The following FCGR2A variants were observed in gnomAD, a reference collection of about 807,000 sequenced individuals.
FCGR2A encodes Fc gamma receptor IIa.
FCGR2A carries 18 observed loss-of-function variants against 29.3 expected under a neutral mutation model. The ratio of observed to expected loss-of-function variants is 0.62; its 90% confidence interval spans 0.43 to 0.91. The LOEUF (loss-of-function observed/expected upper bound fraction) is 0.91, where lower values mean the gene tolerates loss of function less well. Ranked by LOEUF, FCGR2A falls within the 40% of genes least tolerant of loss-of-function variation. FCGR2A has a pLI of 0.00. For synonymous variants in FCGR2A, 126 were observed against 144.8 expected (o/e 0.87, Z 0.93); for missense variants, 287 against 393.0 (o/e 0.73, Z 2.28).
At position 161,506,013 on chromosome 1, in the gene FCGR2A, T is replaced by A. The variant is rs749811754; in HGVS notation, c.106+6T>A. The A allele has an allele frequency of 1.9e-6, 3 of 1,613,756 alleles. No homozygotes were observed. The highest frequency in any genetic ancestry group is 1.7e-6 in the Non-Finnish European group (2 of 1,179,634). The stretch of plus-strand genomic sequence containing the variant: ...TTCTGCAGACAGTCAAGCTGGTGAG[T>A]ATGCCCTTTGCTTCCTTGTATTGAC... On this transcript the variant is annotated splice_donor_region_variant and intron_variant, in intron 2 of 6. Transcript: ENST00000271450.
At chr1:161,505,933 A>G in intron 1 of FCGR2A, 54 bp from the exon 2 acceptor site, 1 of 1,602,284 alleles carries the variant, frequency 6.2e-7, no homozygotes, top group Non-Finnish European at 8.6e-7. Flanking sequence ...ACGCAGCTAA[A>G]TTTGAAGCCG....
intron 1 of FCGR2A, 101 bp from the exon 2 acceptor site, chr1:161,505,886 A>C: frequency 8.8e-7 from 1 of 1,137,464 alleles, no homozygotes; most frequent in Non-Finnish European, 1.3e-6. Context: ...GTCCTGGAGA[A>C]GGAAGAGCCC....
At chr1:161,520,493 A>T (rs186139905), downstream of FCGR2A, among the ~76,000 whole-genome samples, 3 of 152,032 alleles carry the variant, frequency 2.0e-5, no homozygotes, top group African/African-American at 4.8e-5. Flanking sequence ...GAGGATGACA[A>T]CTCAAGACGA....
chr1:161,511,954 G>A (rs1484583528), intron 5 of FCGR2A, among the ~76,000 whole-genome samples: 3 of 152,200 alleles, frequency 2.0e-5, no homozygotes, highest in African/African-American at 7.2e-5. Flanking sequence ...GGGATGGCCA[G>A]GGCTCAAATC....
At chr1:161,506,640 G>T in intron 3 of FCGR2A, 49 bp downstream of exon 3, 1 of 1,610,360 alleles carries the variant, frequency 6.2e-7, no homozygotes, top group Non-Finnish European at 8.5e-7. Flanking sequence ...CAGGACGGAT[G>T]AAATCTGTTT....
downstream of FCGR2A, among the ~76,000 whole-genome samples, chr1:161,522,478 G>C (rs12121318): frequency 6.6e-6 from 1 of 152,008 alleles, no homozygotes; most frequent in Non-Finnish European, 1.5e-5. Context: ...GGGGCTGGAA[G>C]AGAAGGTTGG....
At chr1:161,506,300 T>C in intron 2 of FCGR2A, 34 bp from the exon 3 acceptor site, 1 of 1,612,700 alleles carries the variant, frequency 6.2e-7, no homozygotes, top group South Asian at 1.1e-5. Flanking sequence ...TTCAGGGTTA[T>C]TTATTCCACA....
At chr1:161,510,177 A>G in intron 4 of FCGR2A, 103 bp downstream of exon 4, 1 of 1,554,848 alleles carries the variant, frequency 6.4e-7, no homozygotes, top group Non-Finnish European at 8.7e-7. Flanking sequence ...CATAGCAGCA[A>G]AATTGGGCAC....
intron 4 of FCGR2A, 179 bp downstream of exon 4, chr1:161,510,253 G>C: frequency 8.7e-7 from 1 of 1,148,966 alleles, no homozygotes; most frequent in South Asian, 1.6e-5. Context: ...GCCAGAGCTT[G>C]GAGCCCTCAC....
At chr1:161,523,484 G>A (rs1275581031), downstream of FCGR2A, 1 of 152,044 alleles carries the variant, frequency 6.6e-6, no homozygotes, top group Non-Finnish European at 1.5e-5. Context: ...CCTGAGTCCT[G>A]GTCTCCAGCT....
At position 161,518,305 on chromosome 1, in the gene FCGR2A, C is replaced by T; in HGVS notation, c.*157C>T. ...AATAGCTTTAACTTTGCTTAAACTA[C>T]AAACACAAGCAAAACTTCACGGGGT... is the stretch of plus-strand genomic sequence containing the variant. On this transcript the variant is annotated 3_prime_UTR_variant, in exon 7 of 7. Transcript: ENST00000271450. 9.6e-7 allele frequency: 1 copy of T among 1,047,016 alleles called. No individual in the cohort carries two copies. Among genetic ancestry groups the T allele is most frequent in the Non-Finnish European group, 1.4e-6 (1 of 733,096 alleles). The allele number at this position is 1,047,016 out of a possible 1,614,324, so 64.9% of individuals were successfully genotyped here. A position where few individuals can be genotyped will look rare whatever the true frequency, so the allele number is the denominator to read the frequency against.
intron 1 of FCGR2A, 36 bp downstream of exon 1, chr1:161,505,588 G>A (rs770182244): frequency 5.2e-6 from 8 of 1,527,770 alleles, no homozygotes; most frequent in Non-Finnish European, 7.3e-6. Flanking sequence ...GGCAATTTCA[G>A]ACACTCCTAC....
Position 161,505,545 on chromosome 1 carries a change from G to T in FCGR2A, c.78G>T (p.Leu26=), listed in dbSNP as rs755997670. The change falls in exon 1 of 7, where the codon CTG becomes CTT. Residue 26 remains leucine (L), a synonymous_variant. Transcript: ENST00000271450. The part of the protein sequence containing the change: ...LWLLQPLTVL[L]LLASADSQAA... ...TGCTTCAACCATTGACAGTTTTGCT[G>T]CTGCTGGGTGAGTGAGGGTCATTCT... 2.1e-5 allele frequency: 34 copies of T among 1,613,696 alleles called. No individual in the cohort carries two copies. Among genetic ancestry groups the T allele is most frequent in the Non-Finnish European group, 2.9e-5 (34 of 1,179,710 alleles).
downstream of FCGR2A, among the ~76,000 whole-genome samples, chr1:161,522,287 T>C (rs1676483603): frequency 6.6e-6 from 1 of 152,016 alleles, no homozygotes. Context: ...AAACCAAAAC[T>C]GTACTGCATG....
chr1:161,515,145 A>G (rs1363542597), intron 6 of FCGR2A, among the ~76,000 whole-genome samples: 5 of 152,282 alleles, frequency 3.3e-5, no homozygotes, highest in Non-Finnish European at 1.5e-5. Flanking sequence ...TGTCTCAGAA[A>G]CAATGATAAA....
rs778585414 is a variant in FCGR2A at position 161,510,829 on chromosome 1, C to T, written c.620-5C>T. ...CCATCCTGCCCTAATGTCTGTCTTC[C>T]CTAGTGCCCAGCATGGGCAGCTCTT... On this transcript the variant is annotated splice_region_variant and splice_polypyrimidine_tract_variant and intron_variant, in intron 4 of 6. Coordinates refer to ENST00000271450, the MANE Select transcript of FCGR2A (RefSeq NM_001136219.3). The T allele has an allele frequency of 1.1e-5, 18 of 1,614,092 alleles. No individual in the cohort carries two copies. Among genetic ancestry groups the T allele is most frequent in the Non-Finnish European group, 1.4e-5 (16 of 1,179,980 alleles).
At chr1:161,507,288 G>A (rs770075016) in intron 3 of FCGR2A, among the ~76,000 whole-genome samples, 10 of 151,954 alleles carry the variant, frequency 6.6e-5, no homozygotes, top group Non-Finnish European at 7.4e-5. Context: ...CAAGTGACTT[G>A]TTTTTATTTA....
At chr1:161,515,073 T>C (rs1676063725) in intron 6 of FCGR2A, among the ~76,000 whole-genome samples, 2 of 152,420 alleles carry the variant, frequency 1.3e-5, no homozygotes, top group South Asian at 4.1e-4. Context: ...ACAGTGAGGA[T>C]GTTTAAATCT....
rs921226125 is a variant in FCGR2A at position 161,506,214 on chromosome 1, G to A, written c.107-120G>A. On this transcript the variant is annotated intron_variant, in intron 2 of 6. Transcript: ENST00000271450. Reference sequence around the variant, plus strand: ...AGGGAATGAGGCCGCTGCAAGTACAGATCTTGAACTACATCTACAATAGGA... The same window carrying A: ...AGGGAATGAGGCCGCTGCAAGTACAAATCTTGAACTACATCTACAATAGGA... 1.9e-5 allele frequency: 27 copies of A among 1,407,420 alleles called. No homozygotes were observed. In the Admixed American group the frequency reaches 4.6e-4, roughly 24 times the overall value. 87.2% of individuals were successfully genotyped at this position (1,407,420 alleles called of 1,614,324 possible). A position where few individuals can be genotyped will look rare whatever the true frequency, so the allele number is the denominator to read the frequency against.
Sources: allele counts gnomAD v4.1 joint callset (sites outside exome capture counted in the v4.1 genomes callset), GRCh38; gene constraint gnomAD v4.1.1; transcripts MANE v1.5; gene names NCBI Gene and HGNC (gene_info 2026-07-23, HGNC 2026-07-21).